The following GSE1 variants were observed in gnomAD, a reference collection of about 807,000 sequenced individuals.
GSE1 encodes Gse1 coiled-coil protein, also known as genetic suppressor element 1.
In GSE1, 32 loss-of-function variants were observed where a neutral mutation model predicts 112.6. The ratio of observed to expected loss-of-function variants is 0.28; its 90% CI spans 0.21 to 0.38. The LOEUF (loss-of-function observed/expected upper bound fraction) is 0.38, where lower values mean the gene tolerates loss of function less well. Ranked by LOEUF, GSE1 falls within the 10% of genes least tolerant of loss-of-function variation. The pLI is 1.00. For synonymous variants in GSE1, 1,115 were observed against 735.6 expected, an observed-to-expected ratio of 1.52 and a Z score of -8.35; for missense variants, 2,348 against 1,699.2, an observed-to-expected ratio of 1.38 and a Z score of -6.71.
intron 1 of GSE1, among the ~76,000 whole-genome samples, chr16:85,349,181 C>T (rs927040998): frequency 6.6e-6 from 1 of 152,184 alleles, no homozygotes; most frequent in Non-Finnish European, 1.5e-5. Context: ...TAGTTGTCTG[C>T]TTATCAGGGA....
At chr16:85,244,772 C>A (rs1905454844) in intron 1 of GSE1, among the ~76,000 whole-genome samples, 1 of 152,118 alleles carries the variant, frequency 6.6e-6, no homozygotes, top group South Asian at 2.1e-4. Context: ...CGGTGGATCA[C>A]TTGAGGTCAG....
chr16:85,665,927 C>T (rs776200160), intron 12 of GSE1, 49 bp from the exon 13 acceptor site: 2 of 1,585,324 alleles, frequency 1.3e-6, no homozygotes, highest in African/African-American at 1.3e-5. Context: ...GGACACTCAG[C>T]CTGTTAACTT....
At chr16:85,304,102 A>G (rs1332355061) in intron 1 of GSE1, among the ~76,000 whole-genome samples, 3 of 152,218 alleles carry the variant, frequency 2.0e-5, no homozygotes, top group Non-Finnish European at 2.9e-5. Context: ...GTGTCTCTCC[A>G]TGGTTAGGGA....
At chr16:85,470,630 G>A (rs905120451) in intron 2 of GSE1, among the ~76,000 whole-genome samples, 1 of 152,194 alleles carries the variant, frequency 6.6e-6, no homozygotes, top group Admixed American at 6.5e-5. Context: ...GGTCTGGGAG[G>A]GTTGTATGGG....
intron 1 of GSE1, chr16:85,593,596 C>A (rs2047087907): frequency 6.9e-6 from 1 of 145,972 alleles, no homozygotes; most frequent in African/African-American, 2.5e-5. Flanking sequence ...CCCTTAGCCT[C>A]CCCTCCCTCC....
intron 1 of GSE1, among the ~76,000 whole-genome samples, chr16:85,331,373 G>GTATATATATGTGTATATATGTA (rs2046343764): frequency 1.2e-5 from 1 of 84,490 alleles, no homozygotes; most frequent in Non-Finnish European, 2.9e-5. Context: ...GTGTATATAT[G>GTATATATATGTGTATATATGTA]TATATATATG....
intron 2 of GSE1, among the ~76,000 whole-genome samples, chr16:85,430,030 C>G (rs1052745475): frequency 1.3e-5 from 2 of 152,262 alleles, no homozygotes; most frequent in African/African-American, 4.8e-5. Flanking sequence ...TTCATTCATT[C>G]TCCTGTCTCT....
At chr16:85,290,562 G>C (rs1484924520) in intron 1 of GSE1, among the ~76,000 whole-genome samples, 1 of 152,184 alleles carries the variant, frequency 6.6e-6, no homozygotes, top group Non-Finnish European at 1.5e-5. Flanking sequence ...CACTGCCCAA[G>C]GACCAAGGAC....
intron 1 of GSE1, among the ~76,000 whole-genome samples, chr16:85,235,807 G>C (rs1364721186): frequency 6.6e-6 from 1 of 151,978 alleles, no homozygotes; most frequent in Non-Finnish European, 1.5e-5. Flanking sequence ...CGGTGAGCGC[G>C]GCTGGCTGGA....
chr16:85,579,152 C>T (rs2046348220), intron 1 of GSE1, among the ~76,000 whole-genome samples: 1 of 152,118 alleles, frequency 6.6e-6, no homozygotes. Flanking sequence ...CAGCTTGGAG[C>T]TTCTGGGCTT....
intron 2 of GSE1, among the ~76,000 whole-genome samples, chr16:85,646,281 G>A (rs866994334): frequency 6.4e-4 from 97 of 152,232 alleles, no homozygotes; most frequent in African/African-American, 2.2e-3. Flanking sequence ...CCATGCCCCG[G>A]GCTGTAGGTG....
chr16:85,474,108 C>T (rs74458642), intron 2 of GSE1, among the ~76,000 whole-genome samples: 4,821 of 152,136 alleles, frequency 0.032, 118 homozygotes, highest in Non-Finnish European at 0.051. Flanking sequence ...GAGGATGAGA[C>T]GTGAGGGTTG....
chr16:85,380,856 T>A (rs1246689728), intron 2 of GSE1, among the ~76,000 whole-genome samples: 1 of 152,204 alleles, frequency 6.6e-6, no homozygotes, highest in African/African-American at 2.4e-5. Flanking sequence ...CTTTGCATTT[T>A]CTTTGGGGAG....
At chr16:85,201,672 A>C (rs2075031876) in intron 1 of GSE1, among the ~76,000 whole-genome samples, 1 of 151,970 alleles carries the variant, frequency 6.6e-6, no homozygotes, top group African/African-American at 2.4e-5. Flanking sequence ...ACAACAACAA[A>C]AAAAGCCAGT....
intron 1 of GSE1, among the ~76,000 whole-genome samples, chr16:85,258,354 C>G (rs1332357815): frequency 6.6e-6 from 1 of 152,250 alleles, no homozygotes; most frequent in East Asian, 1.9e-4. Flanking sequence ...CTCCGCACCC[C>G]TGGGACTCCC....
chr16:85,593,500 T>G (rs1244887049), intron 1 of GSE1: 1 of 152,582 alleles, frequency 6.6e-6, no homozygotes, highest in African/African-American at 2.4e-5. Context: ...TCCCACTGCC[T>G]TCTCCCGTCC....
chr16:85,261,375 T>A lies in GSE1; in HGVS notation c.2283+89568T>A, dbSNP rs559962339. 2.0e-5 allele frequency among the ~76,000 whole-genome samples: 3 copies of A among 152,356 alleles called. No individual in the cohort carries two copies. In the East Asian group the frequency reaches 5.8e-4, roughly 29 times the overall value. On this transcript the variant is annotated intron_variant, in intron 1 of 2. Transcript: ENST00000637419. ...ATCTGTACAGTGAGCAGTTGCTGAC[T>A]CAGTGAATTTCACGCAGTTTTGAGC...
chr16:85,236,518 T>C (rs1732266066), intron 1 of GSE1, among the ~76,000 whole-genome samples: 1 of 152,202 alleles, frequency 6.6e-6, no homozygotes, highest in Non-Finnish European at 1.5e-5. Context: ...GGCCTGTGCA[T>C]AGGCCTGGGT....
chr16:85,187,258 A>G (rs1266582154), intron 1 of GSE1, among the ~76,000 whole-genome samples: 1 of 152,192 alleles, frequency 6.6e-6, no homozygotes, highest in Non-Finnish European at 1.5e-5. Context: ...TAATCAGGCC[A>G]GTGGAATGCA....
Sources: gnomAD v4.1 joint callset for allele counts (sites outside exome capture counted in the v4.1 genomes callset) on GRCh38, gnomAD v4.1.1 for gene constraint, MANE v1.5 for transcripts, NCBI Gene and HGNC (gene_info 2026-07-23, HGNC 2026-07-21) for gene names.